Variants in CDCA7L observed in about 807,000 individuals in gnomAD.
The protein encoded by CDCA7L is cell division cycle associated 7 like.
CDCA7L carries 44 observed loss-of-function variants against 57.4 expected under a neutral mutation model. That is an observed-to-expected ratio of 0.77 (90% CI 0.60 to 0.98). The LOEUF (loss-of-function observed/expected upper bound fraction) is 0.98, where lower values mean the gene tolerates loss of function less well. Ranked by LOEUF, CDCA7L falls within the 50% of genes least tolerant of loss-of-function variation. The pLI, the probability that CDCA7L is intolerant of heterozygous loss-of-function variation, is 0.00. For missense variants in CDCA7L, 644 were observed against 580.6 expected (o/e 1.11, Z -1.12); for synonymous variants, 236 against 202.8 (o/e 1.16, Z -1.39).
At chr7:21,921,930 G>C (rs1439480005) in intron 1 of CDCA7L, among the ~76,000 whole-genome samples, 1 of 152,114 alleles carries the variant, frequency 6.6e-6, no homozygotes, top group Non-Finnish European at 1.5e-5. Flanking sequence ...ATCATCAAAA[G>C]TCATATGGGG....
At chr7:21,911,864 G>T in intron 2 of CDCA7L, 110 bp from the exon 3 acceptor site, 1 of 882,858 alleles carries the variant, frequency 1.1e-6, no homozygotes, top group Non-Finnish European at 1.7e-6. Context: ...TGGAGATGAC[G>T]AAAATGGATG....
rs1205732777 is a variant in CDCA7L at position 21,901,942 on chromosome 7, G to C, written c.*380C>G. 1.6e-5 allele frequency: 4 copies of C among 242,826 alleles called. No individual in the cohort carries two copies. The highest frequency in any genetic ancestry group is 9.3e-5 in the African/African-American group (4 of 42,872). 15.0% of individuals were successfully genotyped at this position (242,826 alleles called of 1,614,324 possible). ...CTCGTGCTAAGGCACACTTGGCCTG[G>C]AGTGAGTTACTGTTTGGGAAGCCAA... On this transcript the variant is annotated 3_prime_UTR_variant, in exon 10 of 10. Transcript: ENST00000406877.
chr7:21,937,465 T>G (rs1417807222), intron 1 of CDCA7L, among the ~76,000 whole-genome samples: 1 of 151,864 alleles, frequency 6.6e-6, no homozygotes, highest in Non-Finnish European at 1.5e-5. Context: ...TGAAACCCCA[T>G]CTCTACTAAA....
chr7:21,939,076 T>G (rs1033720684), intron 1 of CDCA7L, among the ~76,000 whole-genome samples: 2 of 152,100 alleles, frequency 1.3e-5, no homozygotes, highest in African/African-American at 4.8e-5. Flanking sequence ...ATAACAATGT[T>G]AAGTGAAATG....
chr7:21,937,957 G>A (rs1442942126), intron 1 of CDCA7L, among the ~76,000 whole-genome samples: 1 of 152,064 alleles, frequency 6.6e-6, no homozygotes, highest in Non-Finnish European at 1.5e-5. Flanking sequence ...AAATATAAGA[G>A]CTAAAACTAT....
chr7:21,936,040 T>C (rs1400818350), intron 1 of CDCA7L, among the ~76,000 whole-genome samples: 1 of 151,408 alleles, frequency 6.6e-6, no homozygotes, highest in Non-Finnish European at 1.5e-5. Context: ...AATAGGATTT[T>C]AAGAGTACTA....
chr7:21,932,115 A>T (rs1260824444), intron 1 of CDCA7L, among the ~76,000 whole-genome samples: 1 of 152,226 alleles, frequency 6.6e-6, no homozygotes, highest in Non-Finnish European at 1.5e-5. Context: ...GGATCTCTTT[A>T]AGGAAACTAC....
chr7:21,931,938 A>G (rs1270654964), intron 1 of CDCA7L, among the ~76,000 whole-genome samples: 1 of 152,218 alleles, frequency 6.6e-6, no homozygotes, highest in East Asian at 1.9e-4. Context: ...AAACTCCTCA[A>G]GCTGATAAGC....
chr7:21,937,794 C>A (rs1373414550), intron 1 of CDCA7L, among the ~76,000 whole-genome samples: 1 of 152,134 alleles, frequency 6.6e-6, no homozygotes, highest in Non-Finnish European at 1.5e-5. Context: ...AGATACAAAC[C>A]CTTGCATATA....
chr7:21,930,521 CCTGT>C (rs1267249694), intron 1 of CDCA7L, among the ~76,000 whole-genome samples: 2 of 151,682 alleles, frequency 1.3e-5, no homozygotes, highest in Non-Finnish European at 2.9e-5. Context: ...ATAGTGAAAC[CCTGT>C]CTGTACTAAA....
rs1223906249 is a variant in CDCA7L at position 21,945,857 on chromosome 7, A to C, written c.-53T>G. 1.9e-6 allele frequency: 3 copies of C among 1,568,100 alleles called. No homozygotes were observed. Among genetic ancestry groups the C allele is most frequent in the East Asian group, 2.5e-5 (1 of 40,288 alleles). On this transcript the variant is annotated 5_prime_UTR_variant, in exon 1 of 10. Transcript: ENST00000406877. ...CCAGCACGCGGCCACGGGAGCCCGGACTCACCACGGCCCGGCGCACCAAGA... is the reference window on the plus strand; with the variant it reads ...CCAGCACGCGGCCACGGGAGCCCGGCCTCACCACGGCCCGGCGCACCAAGA...
At chr7:21,936,034 G>A (rs995633500) in intron 1 of CDCA7L, among the ~76,000 whole-genome samples, 1 of 147,424 alleles carries the variant, frequency 6.8e-6, no homozygotes, top group African/African-American at 2.5e-5. Context: ...TAAATAAATA[G>A]GATTTTAAGA....
intron 2 of CDCA7L, among the ~76,000 whole-genome samples, chr7:21,915,987 G>C (rs1785470557): frequency 6.6e-6 from 1 of 152,092 alleles, no homozygotes; most frequent in Admixed American, 6.5e-5. Context: ...ATCTCAGAAA[G>C]CACAGCTCCC....
intron 1 of CDCA7L, chr7:21,940,402 T>TGG: frequency 5.5e-6 from 3 of 542,676 alleles, no homozygotes; most frequent in African/African-American, 2.1e-5. Context: ...ATTCAATGGA[T>TGG]ATTTATTAGG....
chr7:21,902,630 C>T (rs1343992151), intron 9 of CDCA7L: 2 of 527,796 alleles, frequency 3.8e-6, no homozygotes, highest in African/African-American at 1.9e-5. Context: ...TTGCCCTGAA[C>T]TCTCTCTCTG....
At chr7:21,933,214 T>A (rs1583873718) in intron 1 of CDCA7L, among the ~76,000 whole-genome samples, 2 of 152,298 alleles carry the variant, frequency 1.3e-5, no homozygotes, top group African/African-American at 4.8e-5. Flanking sequence ...GAGTGTAAAT[T>A]AGTTCAACCA....
At chr7:21,943,396 T>C (rs1786406998) in intron 1 of CDCA7L, among the ~76,000 whole-genome samples, 1 of 152,222 alleles carries the variant, frequency 6.6e-6, no homozygotes, top group Non-Finnish European at 1.5e-5. Flanking sequence ...CGATAGAAAT[T>C]ATACTTACTC....
intron 9 of CDCA7L, chr7:21,902,587 A>AGAGT: frequency 1.7e-6 from 1 of 575,672 alleles, no homozygotes; most frequent in South Asian, 2.2e-5. Flanking sequence ...TATTAATTAC[A>AGAGT]TAAATGAAAC....
At chr7:21,941,433 G>A (rs550195699) in intron 1 of CDCA7L, among the ~76,000 whole-genome samples, 40 of 152,310 alleles carry the variant, frequency 2.6e-4, no homozygotes, top group Admixed American at 4.6e-4. Context: ...AATGGGGCAC[G>A]GAGAGTAGGG....
Sources: allele counts gnomAD v4.1 joint callset (sites outside exome capture counted in the v4.1 genomes callset), GRCh38; gene constraint gnomAD v4.1.1; transcripts MANE v1.5; gene names NCBI Gene and HGNC (gene_info 2026-07-23, HGNC 2026-07-21).